The following ADGRB3 variants were observed in gnomAD, a reference collection of about 807,000 sequenced individuals.
The protein encoded by ADGRB3 is brain-specific angiogenesis inhibitor 3.
In ADGRB3, 37 loss-of-function variants were observed where a neutral mutation model predicts 193.4. The ratio of observed to expected loss-of-function variants is 0.19; its 90% CI spans 0.15 to 0.25. The LOEUF is 0.25. Ranked by LOEUF, ADGRB3 falls within the 10% of genes least tolerant of loss-of-function variation. The pLI is 1.00. For missense variants in ADGRB3, 1,637 were observed against 1,852.9 expected (o/e 0.88, Z 2.14); for synonymous variants, 690 against 644.2 (o/e 1.07, Z -1.08).
chr6:69,131,510 G>T (rs1037111839), intron 17 of ADGRB3, among the ~76,000 whole-genome samples: 1 of 151,930 alleles, frequency 6.6e-6, no homozygotes, highest in African/African-American at 2.4e-5. Flanking sequence ...ATCGAAAATG[G>T]GGGATACAAC....
At chr6:69,009,029 A>T (rs1487121617) in intron 11 of ADGRB3, among the ~76,000 whole-genome samples, 1 of 124,266 alleles carries the variant, frequency 8.0e-6, no homozygotes, top group Non-Finnish European at 1.8e-5. Flanking sequence ...GTTTTCTATT[A>T]AAAAAAATCC....
chr6:69,380,261 G>C (rs891063770), intron 30 of ADGRB3, among the ~76,000 whole-genome samples: 7 of 151,950 alleles, frequency 4.6e-5, no homozygotes, highest in African/African-American at 9.7e-5. Flanking sequence ...TGTTGGAAGG[G>C]GATGGAATAA....
In ADGRB3 at chr6:68,735,424, A is replaced by G. The variant is rs1334041884; in HGVS notation, c.757+95992A>G. On this transcript the variant is annotated intron_variant, in intron 3 of 31. Coordinates refer to ENST00000370598, the MANE Select transcript of ADGRB3 (RefSeq NM_001704.3). Reference sequence around the variant, plus strand: ...TTAGAATTATATACTGTGTAAATATATATGATAGATAAGAATATAGGAAAT... The same window carrying G: ...TTAGAATTATATACTGTGTAAATATGTATGATAGATAAGAATATAGGAAAT... Among the ~76,000 whole-genome samples the G allele has an allele frequency of 2.0e-5, 3 of 152,032 alleles. No individual in the cohort carries two copies. The East Asian group carries it at 5.8e-4, about 29-fold the overall frequency.
intron 17 of ADGRB3, among the ~76,000 whole-genome samples, chr6:69,208,126 A>T (rs571697277): frequency 1.3e-5 from 2 of 152,264 alleles, no homozygotes; most frequent in African/African-American, 4.8e-5. Context: ...CGTAACCTCC[A>T]TTCCTGCCAC....
chr6:69,242,950 T>C (rs1766415562), intron 20 of ADGRB3, among the ~76,000 whole-genome samples: 1 of 152,012 alleles, frequency 6.6e-6, no homozygotes, highest in African/African-American at 2.4e-5. Context: ...GGTACTACTG[T>C]TTTGCAGAAA....
chr6:68,757,214 C>G (rs1352739218), intron 3 of ADGRB3, among the ~76,000 whole-genome samples: 1 of 152,136 alleles, frequency 6.6e-6, no homozygotes, highest in Non-Finnish European at 1.5e-5. Context: ...CTGTCCTGCA[C>G]TTAATATCCC....
At position 69,287,526 on chromosome 6, in the gene ADGRB3, G is replaced by A. The variant is rs146405704; in HGVS notation, c.2815-37346G>A. ...TCTACATGTAACAGGCATCAAACTA[G>A]GTATCTTCACAAATATTGATTTATT... On this transcript the variant is annotated intron_variant, in intron 20 of 31. Transcript: ENST00000370598. Among the ~76,000 whole-genome samples, 5 of 152,142 alleles carry A rather than the reference G, an allele frequency of 3.3e-5. No homozygotes were observed. The South Asian group carries it at 8.3e-4, about 25-fold the overall frequency.
chr6:69,058,363 T>C (rs1415681326), intron 15 of ADGRB3, among the ~76,000 whole-genome samples: 1 of 151,892 alleles, frequency 6.6e-6, no homozygotes, highest in Non-Finnish European at 1.5e-5. Context: ...AAAGGGTTTG[T>C]CAATTTTGTA....
chr6:69,216,815 A>G (rs929318758), intron 17 of ADGRB3, among the ~76,000 whole-genome samples: 2 of 152,146 alleles, frequency 1.3e-5, no homozygotes, highest in Admixed American at 6.5e-5. Context: ...GTTATTGTCT[A>G]TTTTAAATGG....
chr6:68,707,380 A>G (rs1394944454), intron 3 of ADGRB3, among the ~76,000 whole-genome samples: 3 of 152,006 alleles, frequency 2.0e-5, no homozygotes, highest in African/African-American at 2.4e-5. Flanking sequence ...TTTCGGCAAT[A>G]TGTCCTGTTC....
intron 3 of ADGRB3, among the ~76,000 whole-genome samples, chr6:68,764,316 A>C (rs1283174298): frequency 1.3e-5 from 2 of 152,202 alleles, no homozygotes; most frequent in Non-Finnish European, 2.9e-5. Flanking sequence ...CCATTGATAC[A>C]CAGGATACCA....
At chr6:68,900,197 G>A (rs1360689050) in intron 3 of ADGRB3, among the ~76,000 whole-genome samples, 1 of 152,060 alleles carries the variant, frequency 6.6e-6, no homozygotes, top group Non-Finnish European at 1.5e-5. Context: ...TATATTGTTG[G>A]TGGCAGTGGA....
At chr6:69,044,985 AT>A (rs1771197318) in intron 13 of ADGRB3, among the ~76,000 whole-genome samples, 1 of 152,182 alleles carries the variant, frequency 6.6e-6, no homozygotes, top group Non-Finnish European at 1.5e-5. Flanking sequence ...TTATGCACTT[AT>A]GCTTTTTATT....
chr6:68,857,545 A>G (rs1246523827), intron 3 of ADGRB3, among the ~76,000 whole-genome samples: 1 of 152,142 alleles, frequency 6.6e-6, no homozygotes, highest in East Asian at 1.9e-4. Flanking sequence ...GTTTTGGCCA[A>G]TGTCTCCCAT....
At chr6:68,998,038 C>T (rs1769443894) in intron 11 of ADGRB3, among the ~76,000 whole-genome samples, 1 of 152,142 alleles carries the variant, frequency 6.6e-6, no homozygotes, top group Admixed American at 6.5e-5. Context: ...TTATTGTTGT[C>T]ATCTCCTAAA....
rs558842009 is a variant in ADGRB3 at position 69,249,451 on chromosome 6, A to G, written c.2814+10225A>G. 2.0e-5 allele frequency among the ~76,000 whole-genome samples: 3 copies of G among 152,368 alleles called. No individual in the cohort carries two copies. In the South Asian group the frequency reaches 6.2e-4, roughly 32 times the overall value. On this transcript the variant is annotated intron_variant, in intron 20 of 31. Coordinates refer to ENST00000370598, the MANE Select transcript of ADGRB3 (RefSeq NM_001704.3). ...GTAGCTAACAAATACCCAGTGCATG[A>G]GACAACAAAGCTGGCTGGCTTTGTA...
chr6:69,177,816 A>AATTT (rs1775468983), intron 17 of ADGRB3, among the ~76,000 whole-genome samples: 1 of 151,952 alleles, frequency 6.6e-6, no homozygotes, highest in Non-Finnish European at 1.5e-5. Context: ...ATATGATTTC[A>AATTT]ATTTATTTAT....
At chr6:68,810,361 A>G (rs1018843421) in intron 3 of ADGRB3, among the ~76,000 whole-genome samples, 1 of 152,192 alleles carries the variant, frequency 6.6e-6, no homozygotes, top group African/African-American at 2.4e-5. Context: ...CCTGGACACT[A>G]TCAACAATGG....
At chr6:68,845,562 T>C (rs1768256878) in intron 3 of ADGRB3, among the ~76,000 whole-genome samples, 1 of 152,176 alleles carries the variant, frequency 6.6e-6, no homozygotes, top group Admixed American at 6.5e-5. Flanking sequence ...GGGAAGTAAT[T>C]GAATCATGGG....
Sources: allele counts gnomAD v4.1 joint callset (sites outside exome capture counted in the v4.1 genomes callset), GRCh38; gene constraint gnomAD v4.1.1; transcripts MANE v1.5; gene names NCBI Gene and HGNC (gene_info 2026-07-23, HGNC 2026-07-21).